ATG13: variants seen among roughly 807,000 people sequenced by gnomAD.
The protein encoded by ATG13 is autophagy related 13.
ATG13 carries 23 observed loss-of-function variants against 65.5 expected under a neutral mutation model. The observed-to-expected ratio is 0.35, with a 90% CI of 0.25 to 0.50. The LOEUF is 0.50. ATG13 is among the 20% of genes least tolerant of loss of function. ATG13 has a pLI of 0.98. For synonymous variants in ATG13, 252 were observed against 245.2 expected (o/e 1.03, Z -0.26); for missense variants, 566 against 677.0 (o/e 0.84, Z 1.82).
chr11:46,624,149 C>A (rs1308999665), intron 1 of ATG13, among the ~76,000 whole-genome samples: 1 of 151,858 alleles, frequency 6.6e-6, no homozygotes, highest in Non-Finnish European at 1.5e-5. Flanking sequence ...GGACTACAGG[C>A]ATGCGTCACC....
chr11:46,632,995 T>TAAAA (rs369521444), intron 2 of ATG13, among the ~76,000 whole-genome samples: 1,154 of 104,066 alleles, frequency 0.011, 7 homozygotes, highest in African/African-American at 0.039. Context: ...AGACCCCCAT[T>TAAAA]AAAAAAAAAT....
At chr11:46,637,490 A>C (rs1159253518) in intron 2 of ATG13, among the ~76,000 whole-genome samples, 1 of 152,100 alleles carries the variant, frequency 6.6e-6, no homozygotes, top group Non-Finnish European at 1.5e-5. Flanking sequence ...CTCTTGCCCA[A>C]GCCTCCCGAG....
intron 6 of ATG13, 121 bp from the exon 7 acceptor site, chr11:46,650,056 T>G (rs1010104479): frequency 2.2e-5 from 24 of 1,086,750 alleles, no homozygotes; most frequent in Non-Finnish European, 2.9e-5. Flanking sequence ...CTCAGTAATC[T>G]GTTGATAAAG....
chr11:46,659,694 C>G (rs2060759629), intron 11 of ATG13: 1 of 453,564 alleles, frequency 2.2e-6, no homozygotes, highest in Non-Finnish European at 3.9e-6. Flanking sequence ...TTACATTTAG[C>G]CCTTACCTTC....
chr11:46,670,651 A>G (rs1431415637), intron 18 of ATG13, among the ~76,000 whole-genome samples: 3 of 152,022 alleles, frequency 2.0e-5, no homozygotes, highest in Non-Finnish European at 2.9e-5. Context: ...TACAAAAAGT[A>G]CAAAAAATTA....
chr11:46,670,497 AG>A (rs57170946), intron 18 of ATG13, among the ~76,000 whole-genome samples: 9,356 of 149,608 alleles, frequency 0.063, 989 homozygotes, highest in African/African-American at 0.22. Context: ...AAAAAAAAAA[AG>A]TAATAATTAC....
chr11:46,626,921 A>G (rs1017083230), intron 1 of ATG13, among the ~76,000 whole-genome samples: 2 of 152,222 alleles, frequency 1.3e-5, no homozygotes, highest in Non-Finnish European at 2.9e-5. Flanking sequence ...CTATGTCAGG[A>G]AAGGATTGTA....
Position 46,632,629 on chromosome 11 carries a change from C to T in ATG13, c.-14+2529C>T, listed in dbSNP as rs950503332. 3.5e-4 allele frequency among the ~76,000 whole-genome samples: 53 copies of T among 152,048 alleles called. 1 individual carries two copies. Among genetic ancestry groups the T allele is most frequent in the Non-Finnish European group, 4.4e-5 (3 of 68,016 alleles). ...AAGAATTGTAGCAGTAAGTAGTCTA[C>T]AAAGTCTGAAGAGAAGAAAGTCAAA... is the stretch of plus-strand genomic sequence containing the variant. On this transcript the variant is annotated intron_variant, in intron 2 of 18. Coordinates refer to ENST00000683050, the MANE Select transcript of ATG13 (RefSeq NM_001346311.2).
intron 2 of ATG13, among the ~76,000 whole-genome samples, chr11:46,642,324 T>G (rs1426156684): frequency 7.0e-6 from 1 of 142,632 alleles, no homozygotes; most frequent in African/African-American, 2.6e-5. Context: ...TTTTTTTTTT[T>G]GGATGGAATC....
intron 2 of ATG13, among the ~76,000 whole-genome samples, chr11:46,641,109 A>G (rs1429293770): frequency 1.3e-5 from 2 of 152,178 alleles, no homozygotes; most frequent in South Asian, 4.1e-4. Context: ...GTCTTGCTCC[A>G]TTGCCCAGGC....
At chr11:46,618,827 T>G (rs1259744959) in intron 1 of ATG13, among the ~76,000 whole-genome samples, 1 of 152,032 alleles carries the variant, frequency 6.6e-6, no homozygotes, top group Non-Finnish European at 1.5e-5. Context: ...ATTTTTATTA[T>G]TATTATTAGA....
At chr11:46,657,007 A>G in intron 8 of ATG13, 88 bp from the exon 9 acceptor site, 1 of 1,126,088 alleles carries the variant, frequency 8.9e-7, no homozygotes, top group Non-Finnish European at 1.4e-6. Context: ...GAGATTACAC[A>G]ATAGGCCAAA....
At chr11:46,642,451 G>A (rs1261238920) in intron 2 of ATG13, among the ~76,000 whole-genome samples, 2 of 151,680 alleles carry the variant, frequency 1.3e-5, no homozygotes, top group Non-Finnish European at 2.9e-5. Flanking sequence ...TATTACAGGC[G>A]TGTGCCACCA....
intron 2 of ATG13, among the ~76,000 whole-genome samples, chr11:46,642,818 G>A (rs901220739): frequency 1.3e-5 from 2 of 152,184 alleles, no homozygotes; most frequent in Non-Finnish European, 2.9e-5. Context: ...AAAGCCTTGG[G>A]TGGGCTCCCC....
intron 2 of ATG13, among the ~76,000 whole-genome samples, chr11:46,639,853 A>ATTTT (rs377458204): frequency 1.6e-5 from 2 of 126,986 alleles, no homozygotes; most frequent in Admixed American, 8.0e-5. Context: ...TGCTTATGCA[A>ATTTT]TTTTTTTTTT....
chr11:46,640,689 A>G (rs1234036122), intron 2 of ATG13, among the ~76,000 whole-genome samples: 1 of 152,236 alleles, frequency 6.6e-6, no homozygotes, highest in Non-Finnish European at 1.5e-5. Context: ...AAGATAGGAT[A>G]TCCAAATTGC....
intron 7 of ATG13, among the ~76,000 whole-genome samples, chr11:46,652,679 C>A (rs577705286): frequency 6.6e-6 from 1 of 152,282 alleles, no homozygotes; most frequent in East Asian, 1.9e-4. Context: ...CACCACTGCA[C>A]TCCAGCCTGG....
intron 2 of ATG13, among the ~76,000 whole-genome samples, chr11:46,632,734 G>A (rs1187776613): frequency 6.6e-6 from 1 of 152,026 alleles, no homozygotes; most frequent in Non-Finnish European, 1.5e-5. Context: ...TGGTAGAGAA[G>A]GATGTGTGAA....
In ATG13 at chr11:46,669,654, A is replaced by G. The variant is rs1339154996; in HGVS notation, c.1575+122A>G. ...AATAGGAAAGAGACATAATTAGAAA[A>G]TTATCTTTTGATCACTCTTGAGATT... On this transcript the variant is annotated intron_variant, in intron 18 of 18. Coordinates refer to ENST00000683050, the MANE Select transcript of ATG13 (RefSeq NM_001346311.2). The G allele has an allele frequency of 3.2e-6, 4 of 1,252,788 alleles. No homozygotes were observed. The African/African-American group carries it at 4.5e-5, about 14-fold the overall frequency. The allele number at this position is 1,252,788 out of a possible 1,614,324, so 77.6% of individuals were successfully genotyped here.
Sources: allele counts gnomAD v4.1 joint callset (sites outside exome capture counted in the v4.1 genomes callset), GRCh38; gene constraint gnomAD v4.1.1; transcripts MANE v1.5; gene names NCBI Gene and HGNC (gene_info 2026-07-23, HGNC 2026-07-21).